Variants in PCDHA1 observed in about 807,000 individuals in gnomAD.
PCDHA1 encodes the protein protocadherin alpha 1.
Under a neutral mutation model 61.3 loss-of-function variants are expected in PCDHA1, and 42 were observed. The observed-to-expected ratio is 0.69, with a 90% CI of 0.54 to 0.89. PCDHA1 has a LOEUF of 0.89. PCDHA1 is among the 40% of genes least tolerant of loss of function. PCDHA1 has a pLI of 0.00. For missense variants in PCDHA1, 1,256 were observed against 1,235.3 expected (o/e 1.02, Z -0.25); for synonymous variants, 610 against 553.8 (o/e 1.10, Z -1.43).
At chr5:140,942,406 G>GT (rs1554214961) in intron 1 of PCDHA1, among the ~76,000 whole-genome samples, 2 of 149,658 alleles carry the variant, frequency 1.3e-5, no homozygotes, top group South Asian at 2.1e-4. Flanking sequence ...ATGAGACTCT[G>GT]TTTAAAAAAA....
rs868958947 is a variant in PCDHA1 at position 140,854,334 on chromosome 5, C to T, written c.2394+65650C>T. On this transcript the variant is annotated intron_variant, in intron 1 of 3. Transcript: ENST00000504120. ...ATTGATCAATGGCAAACTTATTTTA[C>T]GCTCCAGATAGCTAAAACAAACGTT... The T allele has an allele frequency of 4.5e-5, 9 of 198,856 alleles. 1 individual carries two copies. The highest frequency in any genetic ancestry group is 1.9e-4 in the East Asian group (1 of 5,382). The allele number at this position is 198,856 out of a possible 1,614,324, so 12.3% of individuals were successfully genotyped here. A position where few individuals can be genotyped will look rare whatever the true frequency, so the allele number is the denominator to read the frequency against.
intron 1 of PCDHA1, chr5:140,968,630 TA>T: frequency 6.2e-7 from 1 of 1,614,192 alleles, no homozygotes; most frequent in Non-Finnish European, 8.5e-7. Flanking sequence ...TTGGCTTTTT[TA>T]CCATCTAGCC....
chr5:140,848,775 G>A, intron 1 of PCDHA1: 1 of 1,593,566 alleles, frequency 6.3e-7, no homozygotes, highest in Non-Finnish European at 8.6e-7. Context: ...CGACCGCGAG[G>A]AGCTGTGCGG....
chr5:140,924,178 A>C (rs2081709408), intron 1 of PCDHA1, among the ~76,000 whole-genome samples: 3 of 152,260 alleles, frequency 2.0e-5, no homozygotes. Context: ...GCACTGAAGC[A>C]GAAAATTAGT....
intron 1 of PCDHA1, among the ~76,000 whole-genome samples, chr5:140,892,670 A>G (rs35160890): frequency 0.3 from 45,256 of 152,112 alleles, 7,290 homozygotes; most frequent in East Asian, 0.53. Context: ...ATTTTGATAC[A>G]TATATACAAT....
At chr5:140,892,702 A>C (rs1391662001) in intron 1 of PCDHA1, among the ~76,000 whole-genome samples, 1 of 152,240 alleles carries the variant, frequency 6.6e-6, no homozygotes, top group Non-Finnish European at 1.5e-5. Flanking sequence ...AAATCAGGGT[A>C]ATTAGCATAT....
intron 1 of PCDHA1, chr5:140,884,324 G>T (rs782624216): frequency 1.2e-6 from 2 of 1,613,840 alleles, no homozygotes; most frequent in Non-Finnish European, 1.7e-6. Context: ...GTCGGCAGGC[G>T]CTGTGGGTCC....
In PCDHA1 at chr5:140,786,397, C is replaced by T. The variant is rs149344352; in HGVS notation, c.107C>T (p.Pro36Leu). 4.5e-4 allele frequency: 728 copies of T among 1,613,576 alleles called. 2 individuals carry two copies. The African/African-American group carries it at 8.4e-3, about 19-fold the overall frequency. Residue 36 changes from proline (P) to leucine (L), a missense_variant, in exon 1 of 4, where the codon CCG (proline) becomes CTG (leucine). Transcript: ENST00000504120. The part of the protein sequence containing the change: ...VGSGQLHYSI[P>L]EEAKHGTFVG... ...AGCGGCCAGCTCCACTACTCGATCC[C>T]GGAGGAAGCCAAACACGGCACCTTC... is the stretch of plus-strand genomic sequence containing the variant.
intron 1 of PCDHA1, chr5:140,868,886 A>G: frequency 1.4e-6 from 1 of 730,322 alleles, no homozygotes; most frequent in Non-Finnish European, 2.1e-6. Context: ...TCACAGTTTT[A>G]GGCGCAAGGT....
intron 1 of PCDHA1, chr5:140,850,687 A>T: frequency 6.3e-7 from 1 of 1,597,792 alleles, no homozygotes. Context: ...ACCGAGGGCG[A>T]GTGCGCGCCT....
At chr5:140,850,686 G>C (rs2150493966) in intron 1 of PCDHA1, 4 of 1,598,520 alleles carry the variant, frequency 2.5e-6, no homozygotes, top group Non-Finnish European at 3.4e-6. Flanking sequence ...CACCGAGGGC[G>C]AGTGCGCGCC....
chr5:140,945,322 T>C (rs1311724084), intron 1 of PCDHA1, among the ~76,000 whole-genome samples: 9 of 152,096 alleles, frequency 5.9e-5, no homozygotes, highest in Admixed American at 5.2e-4. Context: ...AATGGAAATA[T>C]ATTTTATGTT....
At position 140,808,087 on chromosome 5, in the gene PCDHA1, A is replaced by G. The variant is rs782664292; in HGVS notation, c.2394+19403A>G. ...AGTTTCACATAGATCCAATTACTGG[A>G]CAAATTATTGTAAAGGGATATATTG... On this transcript the variant is annotated intron_variant, in intron 1 of 3. Transcript: ENST00000504120. The G allele has an allele frequency of 5.6e-6, 9 of 1,613,970 alleles. No individual in the cohort carries two copies. The South Asian group carries it at 9.9e-5, about 18-fold the overall frequency.
intron 1 of PCDHA1, chr5:140,877,084 C>G: frequency 6.2e-7 from 1 of 1,613,176 alleles, no homozygotes; most frequent in Non-Finnish European, 8.5e-7. Flanking sequence ...GGTGAGCGCG[C>G]GCGACGCCGG....
chr5:140,796,047 G>T (rs1554119659), intron 1 of PCDHA1: 1 of 1,614,194 alleles, frequency 6.2e-7, no homozygotes, highest in African/African-American at 1.3e-5. Flanking sequence ...CCATCTCAGA[G>T]AACGCTTCCC....
Position 140,786,180 on chromosome 5 carries a change from C to T in PCDHA1, c.-111C>T. ...TGAAGGAGGAAGCTCCATTTTGTCACCGCCTGAGAGAAGACAGAAACGGTA... is the reference window on the plus strand; with the variant it reads ...TGAAGGAGGAAGCTCCATTTTGTCATCGCCTGAGAGAAGACAGAAACGGTA... On this transcript the variant is annotated 5_prime_UTR_variant, in exon 1 of 4. Coordinates refer to ENST00000504120, the MANE Select transcript of PCDHA1 (RefSeq NM_018900.4). 7.1e-7 allele frequency: 1 copy of T among 1,399,188 alleles called. No individual in the cohort carries two copies. Among genetic ancestry groups the T allele is most frequent in the South Asian group, 1.4e-5 (1 of 69,746 alleles). 86.7% of individuals were successfully genotyped at this position (1,399,188 alleles called of 1,614,324 possible).
chr5:140,938,828 G>A (rs570802606), intron 1 of PCDHA1, among the ~76,000 whole-genome samples: 84 of 152,072 alleles, frequency 5.5e-4, no homozygotes, highest in Admixed American at 1.4e-3. Context: ...ATGAGTTTGC[G>A]TTATAACAAA....
intron 1 of PCDHA1, among the ~76,000 whole-genome samples, chr5:140,792,419 G>A (rs782734520): frequency 6.6e-6 from 1 of 152,030 alleles, no homozygotes; most frequent in Non-Finnish European, 1.5e-5. Context: ...ATGTCTTTTG[G>A]GGTATCTTTG....
At chr5:140,823,280 C>A (rs150026852) in intron 1 of PCDHA1, 1 of 1,612,332 alleles carries the variant, frequency 6.2e-7, no homozygotes, top group African/African-American at 1.3e-5. Context: ...GGCGAGCGCC[C>A]GCTGTCGAGT....
Sources: allele counts gnomAD v4.1 joint callset (sites outside exome capture counted in the v4.1 genomes callset), GRCh38; gene constraint gnomAD v4.1.1; transcripts MANE v1.5; gene names NCBI Gene and HGNC (gene_info 2026-07-23, HGNC 2026-07-21).